The following GREB1 variants were observed in gnomAD, a reference collection of about 807,000 sequenced individuals.
GREB1 encodes the protein growth regulating estrogen receptor binding 1.
GREB1 carries 106 observed loss-of-function variants against 200.7 expected under a neutral mutation model. That is an observed-to-expected ratio of 0.53 (90% CI 0.45 to 0.62). The LOEUF is 0.62. GREB1 is among the 20% of genes least tolerant of loss of function. The pLI, the probability that GREB1 is intolerant of heterozygous loss-of-function variation, is 0.00. For missense variants in GREB1, 2,243 were observed against 2,556.8 expected, an observed-to-expected ratio of 0.88 and a Z score of 2.65; for synonymous variants, 1,132 against 1,092.4, an observed-to-expected ratio of 1.04 and a Z score of -0.72.
intron 23 of GREB1, 93 bp from the exon 24 acceptor site, chr2:11,625,061 C>A: frequency 1.9e-6 from 2 of 1,028,296 alleles, no homozygotes; most frequent in Non-Finnish European, 3.0e-6. Context: ...TGTCGCATTT[C>A]TCAGAACGTA....
At chr2:11,587,506 A>C (rs2148136676) in intron 9 of GREB1, 2 of 1,590,974 alleles carry the variant, frequency 1.3e-6, no homozygotes, top group East Asian at 4.6e-5. Flanking sequence ...CCACTTCTGC[A>C]TCAGAAGCCC....
chr2:11,509,634 C>T (rs1038917438), intron 1 of GREB1, among the ~76,000 whole-genome samples: 10 of 152,166 alleles, frequency 6.6e-5, no homozygotes, highest in African/African-American at 1.9e-4. Flanking sequence ...TGATAGTATT[C>T]AGAGGTGGGC....
intron 1 of GREB1, among the ~76,000 whole-genome samples, chr2:11,495,838 C>G (rs1398295171): frequency 2.8e-5 from 4 of 144,330 alleles, no homozygotes; most frequent in African/African-American, 1.0e-4. Context: ...TTCGGTGTTG[C>G]AGAACTCGAT....
chr2:11,576,805 G>C (rs1230297854), intron 5 of GREB1, among the ~76,000 whole-genome samples: 1 of 152,128 alleles, frequency 6.6e-6, no homozygotes, highest in Non-Finnish European at 1.5e-5. Flanking sequence ...GGAGGCTGAG[G>C]TGAGGGGATC....
chr2:11,564,584 C>T (rs865993818), intron 3 of GREB1, among the ~76,000 whole-genome samples: 1 of 152,214 alleles, frequency 6.6e-6, no homozygotes, highest in Non-Finnish European at 1.5e-5. Context: ...CAAATAAATA[C>T]AGTAAACACT....
intron 4 of GREB1, among the ~76,000 whole-genome samples, chr2:11,568,844 T>C (rs1458552221): frequency 6.6e-6 from 1 of 152,264 alleles, no homozygotes; most frequent in Admixed American, 6.5e-5. Context: ...AAGGCCTGGT[T>C]GGTAATAACC....
intron 1 of GREB1, among the ~76,000 whole-genome samples, chr2:11,485,566 A>G (rs1274635015): frequency 1.3e-5 from 2 of 152,090 alleles, no homozygotes; most frequent in Non-Finnish European, 2.9e-5. Context: ...GAGCCACTGC[A>G]CTAGTCGGGA....
At chr2:11,527,357 C>T (rs893183428) in intron 1 of GREB1, among the ~76,000 whole-genome samples, 2 of 152,134 alleles carry the variant, frequency 1.3e-5, no homozygotes, top group African/African-American at 2.4e-5. Flanking sequence ...GGTTGTGGGA[C>T]CTCATATAAA....
intron 26 of GREB1, among the ~76,000 whole-genome samples, chr2:11,630,638 G>T (rs1684805157): frequency 1.3e-5 from 2 of 152,100 alleles, no homozygotes; most frequent in Admixed American, 1.3e-4. Flanking sequence ...TTCCTGTTTT[G>T]TTTGGAAGTA....
At chr2:11,598,005 C>T (rs780630884) in intron 14 of GREB1, 27 bp downstream of exon 14, 12 of 1,554,790 alleles carry the variant, frequency 7.7e-6, no homozygotes, top group East Asian at 2.2e-5. Context: ...GGAGAAGTCA[C>T]GTGTGGAGAA....
At chr2:11,581,651 G>A (rs142482766) in intron 7 of GREB1, among the ~76,000 whole-genome samples, 2 of 152,274 alleles carry the variant, frequency 1.3e-5, no homozygotes, top group East Asian at 3.9e-4. Flanking sequence ...ATGCTCATCT[G>A]GAGCCACATC....
chr2:11,632,938 C>G lies in GREB1; in HGVS notation c.4866C>G (p.Leu1622=), dbSNP rs769582929. Reference sequence around the variant, plus strand: ...AGCTGTCCTACCATAACCTGGAGCTCGAGCGGAACCGGCAGGAGGAGCTGG... The same window carrying G: ...AGCTGTCCTACCATAACCTGGAGCTGGAGCGGAACCGGCAGGAGGAGCTGG... ...IKELSYHNLE[L]ERNRQEELGI... Residue 1622 remains leucine, a synonymous_variant, in exon 28 of 33, where the codon CTC becomes CTG. Coordinates refer to ENST00000381486, the MANE Select transcript of GREB1 (RefSeq NM_014668.4). 11 of 1,614,008 alleles carry G rather than the reference C, an allele frequency of 6.8e-6. No individual in the cohort carries two copies. Among genetic ancestry groups the G allele is most frequent in the Non-Finnish European group, 9.3e-6 (11 of 1,180,024 alleles).
chr2:11,521,020 C>T (rs1345439280), intron 1 of GREB1, among the ~76,000 whole-genome samples: 1 of 152,176 alleles, frequency 6.6e-6, no homozygotes, highest in Non-Finnish European at 1.5e-5. Flanking sequence ...GCCGTGTGGG[C>T]TCCATGGTCT....
At chr2:11,598,618 T>G in intron 14 of GREB1, 62 bp from the exon 15 acceptor site, 2 of 1,455,736 alleles carry the variant, frequency 1.4e-6, no homozygotes, top group Non-Finnish European at 9.6e-7. Flanking sequence ...CAGGTGTCTG[T>G]TGAGTGAATG....
intron 1 of GREB1, among the ~76,000 whole-genome samples, chr2:11,535,540 C>T (rs1307820249): frequency 6.6e-6 from 1 of 152,152 alleles, no homozygotes; most frequent in Non-Finnish European, 1.5e-5. Context: ...AAGGACTTTA[C>T]TCTTCGAGTT....
intron 1 of GREB1, among the ~76,000 whole-genome samples, chr2:11,513,113 T>C (rs1464229744): frequency 2.0e-5 from 3 of 152,236 alleles, no homozygotes; most frequent in Non-Finnish European, 4.4e-5. Context: ...TTTTCCTATT[T>C]GTATTCATAA....
intron 3 of GREB1, among the ~76,000 whole-genome samples, chr2:11,566,019 T>TTTTATA (rs142992265): frequency 1.3e-5 from 2 of 149,006 alleles, no homozygotes; most frequent in East Asian, 2.0e-4. Context: ...ATAACTATGA[T>TTTTATA]TATATATATA....
intron 1 of GREB1, among the ~76,000 whole-genome samples, chr2:11,542,354 T>A (rs2148528936): frequency 6.6e-6 from 1 of 152,270 alleles, no homozygotes; most frequent in South Asian, 2.1e-4. Context: ...CATCTGCTCT[T>A]GGAGCTTGGG....
At chr2:11,516,781 C>T (rs1393040090) in intron 1 of GREB1, among the ~76,000 whole-genome samples, 1 of 152,244 alleles carries the variant, frequency 6.6e-6, no homozygotes, top group Non-Finnish European at 1.5e-5. Flanking sequence ...GAAGCTGCCA[C>T]ACGCAAGCAA....
Sources: gnomAD v4.1 joint callset for allele counts (sites outside exome capture counted in the v4.1 genomes callset) on GRCh38, gnomAD v4.1.1 for gene constraint, MANE v1.5 for transcripts, NCBI Gene and HGNC (gene_info 2026-07-23, HGNC 2026-07-21) for gene names.